The following PDE1C variants were observed in gnomAD, a reference collection of about 807,000 sequenced individuals.
PDE1C encodes the protein phosphodiesterase 1C, also known as dual specificity calcium/calmodulin-dependent 3',5'-cyclic nucleotide phosphodiesterase 1C.
A neutral mutation model predicts 93.1 loss-of-function variants in PDE1C; 62 were observed. The observed-to-expected ratio is 0.67, with a 90% CI of 0.54 to 0.82. The LOEUF (loss-of-function observed/expected upper bound fraction) is 0.82. Ranked by LOEUF, PDE1C falls within the 40% of genes least tolerant of loss-of-function variation. PDE1C has a pLI of 0.00. For missense variants in PDE1C, 742 were observed against 884.6 expected (o/e 0.84, Z 2.04); for synonymous variants, 325 against 310.1 (o/e 1.05, Z -0.50).
rs1811314952 is a variant in PDE1C at position 32,276,721 on chromosome 7, G to C, written c.85+21930C>G. On this transcript the variant is annotated intron_variant, in intron 1 of 18. Transcript: ENST00000396193. ...AATAACTATCTCACAGGGATGTTGTGAGGATTAAATGAGCCTGTGAAGGTG... is the reference window on the plus strand; with the variant it reads ...AATAACTATCTCACAGGGATGTTGTCAGGATTAAATGAGCCTGTGAAGGTG... 5.3e-5 allele frequency among the ~76,000 whole-genome samples: 8 copies of C among 152,260 alleles called. 1 individual carries two copies. The South Asian group carries it at 1.7e-3, about 32-fold the overall frequency.
At chr7:31,643,143 C>T in the PDE1C span, 2 of 1,613,932 alleles carry the variant, frequency 1.2e-6, no homozygotes, top group Non-Finnish European at 1.7e-6. Context: ...AAGTGCAAAG[C>T]CACCACAATG....
At position 32,021,209 on chromosome 7, in the gene PDE1C, G is replaced by A. The variant is rs376876967; in HGVS notation, c.128+30345C>T. 1.1e-3 allele frequency among the ~76,000 whole-genome samples: 173 copies of A among 152,158 alleles called. 2 individuals carry two copies. Among genetic ancestry groups the A allele is most frequent in the South Asian group, 9.1e-3 (44 of 4,824 alleles). On this transcript the variant is annotated intron_variant, in intron 2 of 17. Transcript: ENST00000396191. ...GTGATCTCTGAGCCCTTTCTGCCTG[G>A]ATTTTCCCACATCCATAGTTGCAGA...
Position 31,816,065 on chromosome 7 carries a change from C to G in PDE1C, c.1672G>C (p.Glu558Gln). Residue 558 changes from glutamate (E) to glutamine (Q), a missense_variant, in exon 15 of 18, where the codon GAA becomes CAA. Around this residue, in one of 4 missense-constraint regions of PDE1C, gnomAD observed 454 missense variants for 459.4 expected, o/e 0.99. Coordinates refer to ENST00000396191, the MANE Select transcript of PDE1C (RefSeq NM_001191057.4). ...TTCTCAGCTTTGCCAGATGCGCCTT[C>G]TTCAGCCTGGCTTTTGGCTTCCATT... ...KEMEAKSQAEEGASGKAEKKT... is the reference protein window; with the variant it reads ...KEMEAKSQAEQGASGKAEKKT... 1 of 1,614,050 alleles carries G rather than the reference C, an allele frequency of 6.2e-7. No homozygotes were observed. Among genetic ancestry groups the G allele is most frequent in the Non-Finnish European group, 8.5e-7 (1 of 1,179,940 alleles).
chr7:32,019,484 A>G (rs535030017), intron 2 of PDE1C, among the ~76,000 whole-genome samples: 48 of 152,308 alleles, frequency 3.2e-4, no homozygotes, highest in African/African-American at 1.1e-3. Flanking sequence ...CTTTAGTTTG[A>G]AAACAATGCA....
intron 1 of PDE1C, among the ~76,000 whole-genome samples, chr7:32,387,410 C>G (rs867110821): frequency 6.1e-5 from 9 of 148,344 alleles, no homozygotes; most frequent in East Asian, 2.0e-4. Context: ...AGACGGGGTC[C>G]TGGCCGGGCA....
chr7:31,685,709 A>G, the PDE1C span, among the ~76,000 whole-genome samples: 1 of 152,194 alleles, frequency 6.6e-6, no homozygotes, highest in East Asian at 1.9e-4. Flanking sequence ...CCCAGCACTG[A>G]AAATAAAATA....
At chr7:32,103,709 C>G (rs1289213717) in intron 3 of PDE1C, among the ~76,000 whole-genome samples, 1 of 151,976 alleles carries the variant, frequency 6.6e-6, no homozygotes, top group Non-Finnish European at 1.5e-5. Context: ...TTAAGAAAAG[C>G]CTTCTAAATG....
At chr7:32,058,755 T>C (rs1794435425) in intron 1 of PDE1C, among the ~76,000 whole-genome samples, 2 of 152,300 alleles carry the variant, frequency 1.3e-5, no homozygotes, top group Middle Eastern at 3.4e-3. Context: ...GAGAAAAATA[T>C]ATACATAAAC....
At chr7:31,711,171 T>C in the PDE1C span, among the ~76,000 whole-genome samples, 1 of 152,224 alleles carries the variant, frequency 6.6e-6, no homozygotes, top group Non-Finnish European at 1.5e-5. Flanking sequence ...AATATGTATT[T>C]TGAGCGTGGA....
At chr7:31,798,328 G>A (rs939118302) in intron 16 of PDE1C, among the ~76,000 whole-genome samples, 21 of 134,678 alleles carry the variant, frequency 1.6e-4, no homozygotes, top group African/African-American at 5.5e-4. Flanking sequence ...ATTGTGTAGA[G>A]CTCTTCTAGC....
intron 2 of PDE1C, among the ~76,000 whole-genome samples, chr7:31,886,884 G>GAATAGATCTTTTCAGAATAGATCTATT (rs1798020689): frequency 1.8e-3 from 1 of 554 alleles, no homozygotes; most frequent in African/African-American, 7.4e-3. Context: ...CTATTCAGGG[G>GAATAGATCTTTTCAGAATAGATCTATT]CGTGTCAAAA....
At chr7:31,692,067 A>C in the PDE1C span, among the ~76,000 whole-genome samples, 1 of 152,134 alleles carries the variant, frequency 6.6e-6, no homozygotes, top group Non-Finnish European at 1.5e-5. Context: ...TTTAAGCATG[A>C]TTTTCTGTGA....
the PDE1C span, among the ~76,000 whole-genome samples, chr7:31,731,792 A>AG: frequency 1 from 152,364 of 152,368 alleles, 76,180 homozygotes; most frequent in East Asian, 1. Flanking sequence ...TCTTGCCGTC[A>AG]GCCAATGTGG....
chr7:32,411,556 C>T (rs138443043), intron 1 of PDE1C, among the ~76,000 whole-genome samples: 150 of 152,246 alleles, frequency 9.9e-4, no homozygotes, highest in Middle Eastern at 3.4e-3. Context: ...GAATGCAGCT[C>T]GCAGGACTGG....
chr7:32,193,464 A>G (rs1341330120), intron 2 of PDE1C, among the ~76,000 whole-genome samples: 1 of 152,166 alleles, frequency 6.6e-6, no homozygotes, highest in Non-Finnish European at 1.5e-5. Context: ...TGATTTTAGA[A>G]TAGTGAATGA....
chr7:31,660,086 G>T, the PDE1C span, among the ~76,000 whole-genome samples: 1 of 152,094 alleles, frequency 6.6e-6, no homozygotes, highest in Non-Finnish European at 1.5e-5. Flanking sequence ...GCCATGTGAA[G>T]AAGGACATGT....
At chr7:31,823,016 A>G in intron 14 of PDE1C, 57 bp downstream of exon 14, 3 of 1,421,866 alleles carry the variant, frequency 2.1e-6, no homozygotes, top group East Asian at 2.4e-5. Context: ...CACATAACTC[A>G]GAGAGGACAA....
chr7:31,892,675 AT>A (rs147809390), intron 2 of PDE1C, among the ~76,000 whole-genome samples: 2 of 151,306 alleles, frequency 1.3e-5, no homozygotes, highest in South Asian at 2.1e-4. Context: ...TAAAAGTTTG[AT>A]TTTTTTTTAG....
intron 1 of PDE1C, among the ~76,000 whole-genome samples, chr7:32,339,648 G>T (rs1783707826): frequency 6.6e-6 from 1 of 152,186 alleles, no homozygotes; most frequent in Admixed American, 6.5e-5. Flanking sequence ...AGCCATTTCA[G>T]TGGAGTGAGT....
Sources: allele counts gnomAD v4.1 joint callset (sites outside exome capture counted in the v4.1 genomes callset), GRCh38; gene constraint gnomAD v4.1.1; regional missense constraint gnomAD v4.1.1; transcripts MANE v1.5; gene names NCBI Gene and HGNC (gene_info 2026-07-23, HGNC 2026-07-21).